STMN1: variants seen among roughly 807,000 people sequenced by gnomAD.
The protein encoded by STMN1 is stathmin 1, also known as stathmin.
A neutral mutation model predicts 19.7 loss-of-function variants in STMN1; 3 were observed. The ratio of observed to expected loss-of-function variants is 0.15; its 90% CI spans 0.07 to 0.39. The LOEUF (loss-of-function observed/expected upper bound fraction) is 0.39, where lower values mean the gene tolerates loss of function less well. Ranked by LOEUF, STMN1 falls within the 10% of genes least tolerant of loss-of-function variation. The probability of loss-of-function intolerance (pLI) is 1.00; values close to 1 mark genes in which losing one functional copy is unlikely to be tolerated. For synonymous variants in STMN1, 59 were observed against 58.9 expected, an observed-to-expected ratio of 1.00 and a Z score of -0.01; for missense variants, 99 against 176.0, an observed-to-expected ratio of 0.56 and a Z score of 2.48.
Position 25,904,685 on chromosome 1 carries a change from G to C in STMN1, c.-9C>G. 6.2e-7 allele frequency: 1 copy of C among 1,613,822 alleles called. No individual in the cohort carries two copies. The highest frequency in any genetic ancestry group is 8.5e-7 in the Non-Finnish European group (1 of 1,179,886). On this transcript the variant is annotated 5_prime_UTR_variant, in exon 2 of 5. Coordinates refer to ENST00000455785, the MANE Select transcript of STMN1 (RefSeq NM_005563.4). ...CTACCAGAAGAAGCCATGGTGAATA[G>C]AAGACAAGCGACAGGCAGTGTATTC...
At chr1:25,897,268 G>A (rs370236624), downstream of STMN1, among the ~76,000 whole-genome samples, 2 of 148,388 alleles carry the variant, frequency 1.3e-5, no homozygotes, top group South Asian at 2.1e-4. Context: ...AGCCAAGATC[G>A]TGCCACTGCA....
chr1:25,888,073 G>T (rs1020658723), intron 4 of STMN1, among the ~76,000 whole-genome samples: 1 of 152,212 alleles, frequency 6.6e-6, no homozygotes, highest in Admixed American at 6.5e-5. Flanking sequence ...AAAGCCCTGG[G>T]TTTAAATCTA....
At chr1:25,904,400 T>C (rs543620154) in intron 2 of STMN1, among the ~76,000 whole-genome samples, 2 of 152,344 alleles carry the variant, frequency 1.3e-5, no homozygotes, top group South Asian at 4.1e-4. Flanking sequence ...TTTTGAGACA[T>C]CAGTATCTGA....
downstream of STMN1, among the ~76,000 whole-genome samples, chr1:25,897,040 C>T (rs567188089): frequency 3.9e-5 from 6 of 152,272 alleles, no homozygotes; most frequent in East Asian, 1.9e-4. Flanking sequence ...CCTTGCCAGG[C>T]GCGGTGGCTC....
In STMN1 at chr1:25,900,599, A is replaced by G. The variant is rs2048860609; in HGVS notation, c.*417T>C. ...ACTGTGCAGTTTTATTAACCATTCA[A>G]GTCCAGTAGCATCTGGTAAGATTGG... On this transcript the variant is annotated 3_prime_UTR_variant, in exon 5 of 5. Transcript: ENST00000455785. 4 of 989,442 alleles carry G rather than the reference A, an allele frequency of 4.0e-6. No individual in the cohort carries two copies. The South Asian group carries it at 1.9e-4, about 46-fold the overall frequency. The allele number at this position is 989,442 out of a possible 1,614,324, so 61.3% of individuals were successfully genotyped here.
At chr1:25,905,584 C>T (rs922471598) in intron 1 of STMN1, 1 of 152,244 alleles carries the variant, frequency 6.6e-6, no homozygotes, top group African/African-American at 2.4e-5. Context: ...CCTCCCCGCG[C>T]CTTTTCGAAT....
intron 4 of STMN1, among the ~76,000 whole-genome samples, chr1:25,892,932 G>C (rs951768673): frequency 1.3e-5 from 2 of 152,162 alleles, no homozygotes; most frequent in African/African-American, 4.8e-5. Context: ...TTACCATTTA[G>C]GCCAGCGCTT....
At chr1:25,902,782 AGAC>A (rs1321786080) in intron 3 of STMN1, 3 of 152,390 alleles carry the variant, frequency 2.0e-5, no homozygotes, top group Non-Finnish European at 4.4e-5. Flanking sequence ...ATTGCATAGA[AGAC>A]GACTCCTTAG....
chr1:25,892,591 C>A, intron 4 of STMN1: 1 of 985,416 alleles, frequency 1.0e-6, no homozygotes, highest in Non-Finnish European at 1.2e-6. Context: ...CCCCTCCCAG[C>A]TGGAGCTGAG....
intron 4 of STMN1, among the ~76,000 whole-genome samples, chr1:25,888,811 A>G (rs1411479255): frequency 6.6e-6 from 1 of 152,160 alleles, no homozygotes; most frequent in Non-Finnish European, 1.5e-5. Context: ...TGGCTGCTGT[A>G]CTTCTAGGTA....
rs2048863115 is a variant in STMN1 at position 25,900,778 on chromosome 1, A to G, written c.*238T>C. On this transcript the variant is annotated 3_prime_UTR_variant, in exon 5 of 5. Transcript: ENST00000455785. The stretch of plus-strand genomic sequence containing the variant: ...AAGTGTACTGAAGTAGAAAAGATGC[A>G]ACAAGAAAAATAGCTACATTAGAAA... 2 of 1,329,306 alleles carry G rather than the reference A, an allele frequency of 1.5e-6. No individual in the cohort carries two copies. Among genetic ancestry groups the G allele is most frequent in the East Asian group, 5.8e-5 (2 of 34,284 alleles). The allele number at this position is 1,329,306 out of a possible 1,614,324, so 82.3% of individuals were successfully genotyped here.
At chr1:25,897,772 T>C (rs1030757336), downstream of STMN1, among the ~76,000 whole-genome samples, 1 of 152,142 alleles carries the variant, frequency 6.6e-6, no homozygotes, top group African/African-American at 2.4e-5. Flanking sequence ...CTTAGGACCT[T>C]GGGTACGTTA....
downstream of STMN1, among the ~76,000 whole-genome samples, chr1:25,898,974 G>C (rs2048845124): frequency 6.6e-6 from 1 of 152,186 alleles, no homozygotes; most frequent in Non-Finnish European, 1.5e-5. Flanking sequence ...AGGAGAAAAT[G>C]GGGGCCCAGG....
At chr1:25,890,606 CG>C (rs1049553224) in intron 4 of STMN1, among the ~76,000 whole-genome samples, 31 of 152,188 alleles carry the variant, frequency 2.0e-4, no homozygotes, top group African/African-American at 7.5e-4. Context: ...TGTGCCTGCA[CG>C]GAATAAAAGC....
At chr1:25,889,777 C>T (rs2048756588) in intron 4 of STMN1, among the ~76,000 whole-genome samples, 2 of 152,336 alleles carry the variant, frequency 1.3e-5, no homozygotes, top group Admixed American at 6.5e-5. Context: ...AACCCTCGCC[C>T]TGGCCCCAGG....
In STMN1 at chr1:25,901,105, G is replaced by A; in HGVS notation, c.379-18C>T. ...TGCTTATCCTGTAAAGGAAGGGTAA[G>A]GTGTCATCAGTCAAAAAAAAAAAAA... On this transcript the variant is annotated intron_variant, in intron 4 of 4. Coordinates refer to ENST00000455785, the MANE Select transcript of STMN1 (RefSeq NM_005563.4). The A allele has an allele frequency of 6.7e-7, 1 of 1,482,586 alleles. No individual in the cohort carries two copies. The highest frequency in any genetic ancestry group is 9.1e-7 in the Non-Finnish European group (1 of 1,097,538). 91.8% of individuals were successfully genotyped at this position (1,482,586 alleles called of 1,614,324 possible). A position where few individuals can be genotyped will look rare whatever the true frequency, so the allele number is the denominator to read the frequency against.
chr1:25,889,341 T>A (rs1453679163), intron 4 of STMN1, among the ~76,000 whole-genome samples: 2 of 152,196 alleles, frequency 1.3e-5, no homozygotes, highest in African/African-American at 4.8e-5. Context: ...TTTTCAGGTT[T>A]CTGTTATAAG....
At chr1:25,885,384 T>C, downstream of STMN1, 1 of 174,372 alleles carries the variant, frequency 5.7e-6, no homozygotes, top group Non-Finnish European at 1.2e-5. Context: ...CCTTCCTTCC[T>C]AAGGTCCCAC....
chr1:25,903,589 T>C, intron 3 of STMN1, 52 bp downstream of exon 3: 1 of 1,594,862 alleles, frequency 6.3e-7, no homozygotes, highest in South Asian at 1.1e-5. Flanking sequence ...ATAAAATTGA[T>C]CTGCCCATTA....
Sources: allele counts gnomAD v4.1 joint callset (sites outside exome capture counted in the v4.1 genomes callset), GRCh38; gene constraint gnomAD v4.1.1; transcripts MANE v1.5; gene names NCBI Gene and HGNC (gene_info 2026-07-23, HGNC 2026-07-21).